CDH13: variants seen among roughly 807,000 people sequenced by gnomAD.
The protein encoded by CDH13 is cadherin 13, also known as cadherin-13.
In CDH13, 24 loss-of-function variants were observed where a neutral mutation model predicts 63.8. That is an observed-to-expected ratio of 0.38 (90% CI 0.27 to 0.53). CDH13 has a LOEUF of 0.53. CDH13 is among the 20% of genes least tolerant of loss of function. The probability of loss-of-function intolerance (pLI) is 0.85; values close to 1 mark genes in which losing one functional copy is unlikely to be tolerated. For synonymous variants in CDH13, 503 were observed against 355.3 expected, an observed-to-expected ratio of 1.42 and a Z score of -4.67; for missense variants, 1,049 against 903.1, an observed-to-expected ratio of 1.16 and a Z score of -2.07.
At chr16:83,410,451 A>G (rs1374983500) in intron 6 of CDH13, among the ~76,000 whole-genome samples, 1 of 152,240 alleles carries the variant, frequency 6.6e-6, no homozygotes, top group Non-Finnish European at 1.5e-5. Flanking sequence ...CACAATCTAT[A>G]GATCAAGATA....
chr16:82,968,743 G>T (rs1346909922), intron 2 of CDH13, among the ~76,000 whole-genome samples: 1 of 152,134 alleles, frequency 6.6e-6, no homozygotes, highest in Non-Finnish European at 1.5e-5. Context: ...TCAGTCATAT[G>T]GTGTTATAAC....
At chr16:83,623,187 G>A (rs1255120814) in intron 8 of CDH13, among the ~76,000 whole-genome samples, 2 of 152,170 alleles carry the variant, frequency 1.3e-5, no homozygotes, top group African/African-American at 2.4e-5. Context: ...TTGAGGGGCT[G>A]AGAGGTGGGG....
intron 5 of CDH13, among the ~76,000 whole-genome samples, chr16:83,219,146 G>C (rs2039623160): frequency 1.3e-5 from 2 of 152,094 alleles, no homozygotes; most frequent in Non-Finnish European, 2.9e-5. Flanking sequence ...GTGGGACCTT[G>C]AGCAACACTC....
intron 10 of CDH13, among the ~76,000 whole-genome samples, chr16:83,744,214 C>T (rs140212183): frequency 2.0e-4 from 30 of 152,138 alleles, no homozygotes; most frequent in Non-Finnish European, 3.4e-4. Context: ...ATGGCAGAGC[C>T]GTCAGGGCCC....
intron 2 of CDH13, among the ~76,000 whole-genome samples, chr16:82,864,309 T>C (rs1415072884): frequency 6.6e-6 from 1 of 152,206 alleles, no homozygotes; most frequent in Non-Finnish European, 1.5e-5. Context: ...GTGACAATCA[T>C]ATGCATGTTA....
chr16:83,252,609 T>G (rs1905714390), intron 5 of CDH13, among the ~76,000 whole-genome samples: 1 of 152,138 alleles, frequency 6.6e-6, no homozygotes, highest in Admixed American at 6.5e-5. Context: ...GTGCTGGCCG[T>G]TGGTGTCTCA....
At chr16:83,472,501 G>A (rs1023580267) in intron 6 of CDH13, among the ~76,000 whole-genome samples, 1 of 152,210 alleles carries the variant, frequency 6.6e-6, no homozygotes, top group African/African-American at 2.4e-5. Flanking sequence ...AGCAGAGGCA[G>A]TGGAGTCAGG....
At chr16:82,937,238 G>A (rs912901995) in intron 2 of CDH13, among the ~76,000 whole-genome samples, 4 of 152,108 alleles carry the variant, frequency 2.6e-5, no homozygotes, top group African/African-American at 9.7e-5. Flanking sequence ...CATGCTAGGT[G>A]CTAGCCTCAC....
chr16:83,792,007 C>G (rs1478776321), intron 13 of CDH13, among the ~76,000 whole-genome samples: 4 of 152,260 alleles, frequency 2.6e-5, no homozygotes, highest in Non-Finnish European at 5.9e-5. Flanking sequence ...TATTGATCCC[C>G]TTTCCGCAAT....
intron 1 of CDH13, among the ~76,000 whole-genome samples, chr16:82,785,806 G>A (rs1047285294): frequency 2.0e-5 from 3 of 152,160 alleles, no homozygotes; most frequent in African/African-American, 7.2e-5. Context: ...AATAGCAGTC[G>A]AATATAAAAT....
rs2073443298 is a variant in CDH13, at chr16:83,471,199, A to G, written c.782-15278A>G. On this transcript the variant is annotated intron_variant, in intron 6 of 13. Transcript: ENST00000567109. ...GACTAAGTTTCTTTTACCCTGTAAGATAACATGGTAAGATATTCACAGTTG... is the reference window on the plus strand; with the variant it reads ...GACTAAGTTTCTTTTACCCTGTAAGGTAACATGGTAAGATATTCACAGTTG... 5.3e-5 allele frequency among the ~76,000 whole-genome samples: 8 copies of G among 152,072 alleles called. No individual in the cohort carries two copies. The South Asian group carries it at 1.7e-3, about 32-fold the overall frequency.
chr16:82,760,983 C>T (rs191433708), intron 1 of CDH13, among the ~76,000 whole-genome samples: 1 of 145,602 alleles, frequency 6.9e-6, no homozygotes, highest in Non-Finnish European at 1.5e-5. Context: ...CACCAGCCTC[C>T]ACCTCCAACT....
In CDH13 at chr16:83,451,382, C is replaced by T. The variant is rs150990800; in HGVS notation, c.782-35095C>T. ...TGAGACTTATTCCCTATCATGAGAA[C>T]AGCATGGAAAATACCTGCCCCCATG... On this transcript the variant is annotated intron_variant, in intron 6 of 13. Transcript: ENST00000567109. 3.3e-5 allele frequency among the ~76,000 whole-genome samples: 5 copies of T among 152,278 alleles called. No homozygotes were observed. The East Asian group carries it at 9.7e-4, about 29-fold the overall frequency.
intron 3 of CDH13, among the ~76,000 whole-genome samples, chr16:83,083,619 A>C (rs1168116075): frequency 6.6e-6 from 1 of 152,200 alleles, no homozygotes; most frequent in Non-Finnish European, 1.5e-5. Flanking sequence ...AATAACATGA[A>C]ATATGGAATT....
At chr16:83,538,976 C>T (rs903409303) in intron 7 of CDH13, among the ~76,000 whole-genome samples, 2 of 152,166 alleles carry the variant, frequency 1.3e-5, no homozygotes, top group African/African-American at 4.8e-5. Flanking sequence ...AAACAGTGGT[C>T]TATTCTGAGG....
chr16:83,183,800 T>G (rs2038423405), intron 4 of CDH13, among the ~76,000 whole-genome samples: 1 of 152,122 alleles, frequency 6.6e-6, no homozygotes, highest in Non-Finnish European at 1.5e-5. Flanking sequence ...AAGGCAGTGT[T>G]TGGCAAAAGT....
chr16:82,878,237 A>G (rs11150508), intron 2 of CDH13, among the ~76,000 whole-genome samples: 1 of 151,856 alleles, frequency 6.6e-6, no homozygotes, highest in South Asian at 2.1e-4. Context: ...TGAAATCTGC[A>G]GTTATCTCTA....
chr16:82,858,076 C>T (rs2039776586), intron 1 of CDH13, among the ~76,000 whole-genome samples: 1 of 152,206 alleles, frequency 6.6e-6, no homozygotes, highest in African/African-American at 2.4e-5. Flanking sequence ...TAAAATTTCA[C>T]ACATGGAAAC....
At chr16:82,935,997 G>C (rs1281821551) in intron 2 of CDH13, among the ~76,000 whole-genome samples, 1 of 152,166 alleles carries the variant, frequency 6.6e-6, no homozygotes, top group East Asian at 1.9e-4. Flanking sequence ...CATTGGTTCT[G>C]TCAGGTATGA....
Sources: gnomAD v4.1 joint callset for allele counts (sites outside exome capture counted in the v4.1 genomes callset) on GRCh38, gnomAD v4.1.1 for gene constraint, MANE v1.5 for transcripts, NCBI Gene and HGNC (gene_info 2026-07-23, HGNC 2026-07-21) for gene names.